TRPM8: variants seen among roughly 807,000 people sequenced by gnomAD.
TRPM8 encodes the protein transient receptor potential cation channel subfamily M member 8, also known as TRPM8 cationic channel.
In TRPM8, 110 loss-of-function variants were observed where a neutral mutation model predicts 133.7. The ratio of observed to expected loss-of-function variants is 0.82; its 90% confidence interval spans 0.70 to 0.96. The LOEUF (loss-of-function observed/expected upper bound fraction) is 0.96, where lower values mean the gene tolerates loss of function less well. Ranked by LOEUF, TRPM8 falls within the 40% of genes least tolerant of loss-of-function variation. TRPM8 has a pLI of 0.00. For missense variants in TRPM8, 1,291 were observed against 1,379.5 expected (o/e 0.94, Z 1.02); for synonymous variants, 535 against 532.3 (o/e 1.01, Z -0.07).
chr2:233,922,313 C>T (rs946621417), intron 1 of TRPM8, among the ~76,000 whole-genome samples: 2 of 152,026 alleles, frequency 1.3e-5, no homozygotes, highest in Non-Finnish European at 2.9e-5. Flanking sequence ...TTTTACAATC[C>T]CTTTGCTTTG....
At chr2:233,953,661 C>CAG in intron 9 of TRPM8, 1 of 316,228 alleles carries the variant, frequency 3.2e-6, no homozygotes, top group Non-Finnish European at 5.9e-6. Flanking sequence ...CACACACACA[C>CAG]AGCACCTGCA....
chr2:233,948,706 G>T (rs1320888878), intron 8 of TRPM8, among the ~76,000 whole-genome samples: 1 of 152,164 alleles, frequency 6.6e-6, no homozygotes, highest in Non-Finnish European at 1.5e-5. Context: ...CCACAGTAGT[G>T]GGGGTAGGAG....
chr2:233,966,781 A>T, intron 15 of TRPM8, 26 bp downstream of exon 15: 1 of 1,501,098 alleles, frequency 6.7e-7, no homozygotes. Context: ...CCACCAGACC[A>T]CACGGCCAGA....
intron 21 of TRPM8, among the ~76,000 whole-genome samples, chr2:233,993,949 A>G (rs28902224): frequency 1.5e-4 from 23 of 152,352 alleles, no homozygotes; most frequent in African/African-American, 5.5e-4. Context: ...GACTAGATAT[A>G]TAGTCAAAGA....
chr2:233,939,030 A>C lies in TRPM8; in HGVS notation c.381A>C (p.Glu127Asp), dbSNP rs138133683. The change falls in exon 5 of 26, where the codon GAA becomes GAC. Residue 127 changes from glutamate (E) to aspartate (D), a missense_variant. This residue lies in a region of TRPM8 where 963 missense variants were observed against 968.9 expected (regional missense o/e 0.99). Coordinates refer to ENST00000324695, the MANE Select transcript of TRPM8 (RefSeq NM_024080.5). ...YIRLSCDTDA[E>D]ILYELLTQHW... ...GTCTGTCCTGCGACACGGACGCGGA[A>C]ATCCTTTACGAGCTGCTGACCCAGC... is the stretch of plus-strand genomic sequence containing the variant. 8.1e-6 allele frequency: 13 copies of C among 1,614,202 alleles called. No individual in the cohort carries two copies. In the African/African-American group the frequency reaches 1.7e-4, roughly 22 times the overall value.
At chr2:233,928,054 C>G (rs1372407936) in intron 2 of TRPM8, among the ~76,000 whole-genome samples, 1 of 149,374 alleles carries the variant, frequency 6.7e-6, no homozygotes, top group African/African-American at 2.5e-5. Flanking sequence ...ACTGCAAACT[C>G]CACCTCCCAG....
Position 233,970,368 on chromosome 2 carries a change from C to T in TRPM8, c.2297C>T (p.Pro766Leu), listed in dbSNP as rs778608904. The change falls in exon 17 of 26, where the codon CCC becomes CTC. Residue 766 changes from proline to leucine, a missense_variant. Around this residue, in one of 2 missense-constraint regions of TRPM8, gnomAD observed 963 missense variants for 968.9 expected, o/e 0.99. Coordinates refer to ENST00000324695, the MANE Select transcript of TRPM8 (RefSeq NM_024080.5). ...LLMDFHSVPH[P>L]PELVLYSLVF... ...ATGGATTTCCATTCGGTGCCACACC[C>T]CCCCGAGCTGGTCCTGTACTCGCTG... 6.2e-7 allele frequency: 1 copy of T among 1,614,142 alleles called. No homozygotes were observed. Among genetic ancestry groups the T allele is most frequent in the Non-Finnish European group, 8.5e-7 (1 of 1,180,032 alleles).
chr2:233,969,902 C>G, intron 16 of TRPM8, 95 bp downstream of exon 16: 1 of 878,934 alleles, frequency 1.1e-6, no homozygotes, highest in Admixed American at 2.1e-5. Flanking sequence ...GATTAAAAAG[C>G]CTGGAACTTA....
chr2:233,996,345 C>T lies in TRPM8; in HGVS notation c.2959C>T (p.Gln987Ter). 1 of 1,614,096 alleles carries T rather than the reference C, an allele frequency of 6.2e-7. No homozygotes were observed. Among genetic ancestry groups the T allele is most frequent in the Admixed American group, 1.7e-5 (1 of 60,012 alleles). The change falls in exon 22 of 26, where the codon CAG becomes TAG. Residue 987 changes from glutamine to a stop codon, truncating the protein, a stop_gained. Coordinates refer to ENST00000324695, the MANE Select transcript of TRPM8 (RefSeq NM_024080.5). LOFTEE classifies it high-confidence loss of function. The stretch of plus-strand genomic sequence containing the variant: ...CACCAGCTACACGGTGGGCACCGTC[C>T]AGGAGAACAATGACCAGGTCTGGAA... ...AMFGYTVGTV[Q>*]ENNDQVWKFQ... is the part of the protein sequence containing the mutation.
intron 24 of TRPM8, among the ~76,000 whole-genome samples, chr2:234,012,729 T>C (rs1243638108): frequency 6.6e-6 from 1 of 152,154 alleles, no homozygotes; most frequent in African/African-American, 2.4e-5. Flanking sequence ...TTAAATATGA[T>C]TTTAGTTGTG....
chr2:233,982,712 A>G (rs1485859968), intron 19 of TRPM8, among the ~76,000 whole-genome samples: 1 of 152,266 alleles, frequency 6.6e-6, no homozygotes, highest in Non-Finnish European at 1.5e-5. Flanking sequence ...AAAGTGTATC[A>G]AAATCATGAG....
intron 21 of TRPM8, among the ~76,000 whole-genome samples, chr2:233,995,907 A>G (rs1559546285): frequency 6.6e-6 from 1 of 152,118 alleles, no homozygotes; most frequent in African/African-American, 2.4e-5. Flanking sequence ...ATAAACACTA[A>G]CAAGCTGTTT....
intron 15 of TRPM8, among the ~76,000 whole-genome samples, chr2:233,969,137 C>T (rs1213019702): frequency 6.6e-6 from 1 of 152,080 alleles, no homozygotes; most frequent in African/African-American, 2.4e-5. Context: ...ACGTACACAA[C>T]TATTACTTTA....
rs747109232 is a variant in TRPM8 at position 233,981,738 on chromosome 2, A to G, written c.2448-36A>G. ...AACAAAACTTTGGAATGTTTTGTCA[A>G]TATCTCATGAATTCTGTTCCTTCTT... is the stretch of plus-strand genomic sequence containing the variant. On this transcript the variant is annotated intron_variant, in intron 18 of 25. Coordinates refer to ENST00000324695, the MANE Select transcript of TRPM8 (RefSeq NM_024080.5). The G allele has an allele frequency of 5.7e-6, 9 of 1,567,678 alleles. No homozygotes were observed. The African/African-American group carries it at 1.1e-4, about 19-fold the overall frequency.
intron 8 of TRPM8, among the ~76,000 whole-genome samples, chr2:233,949,453 G>A (rs1407822351): frequency 3.9e-5 from 6 of 152,150 alleles, no homozygotes; most frequent in Non-Finnish European, 7.4e-5. Flanking sequence ...AACAGGAGCA[G>A]GGGAAATTAT....
Position 233,955,194 on chromosome 2 carries a change from T to C in TRPM8, c.1306T>C (p.Trp436Arg). 1 of 1,614,020 alleles carries C rather than the reference T, an allele frequency of 6.2e-7. No homozygotes were observed. The highest frequency in any genetic ancestry group is 8.5e-7 in the Non-Finnish European group (1 of 1,179,978). Residue 436 changes from tryptophan to arginine, a missense_variant, in exon 11 of 26, where the codon TGG becomes CGG. Coordinates refer to ENST00000324695, the MANE Select transcript of TRPM8 (RefSeq NM_024080.5). ...WNGQLKLLLE[W>R]NQLDLANDEI... Reference sequence around the variant, plus strand: ...TGGGCAGCTGAAGCTTCTGCTGGAGTGGAACCAGCTGGACTTAGCCAATGA... The same window carrying C: ...TGGGCAGCTGAAGCTTCTGCTGGAGCGGAACCAGCTGGACTTAGCCAATGA...
chr2:233,965,190 C>CACTCATGGTTTCTT (rs1691537190), intron 14 of TRPM8, among the ~76,000 whole-genome samples: 1 of 152,190 alleles, frequency 6.6e-6, no homozygotes, highest in Non-Finnish European at 1.5e-5. Context: ...GGGCCTGCGA[C>CACTCATGGTTTCTT]ACTCATGGTT....
intron 1 of TRPM8, among the ~76,000 whole-genome samples, chr2:233,923,456 C>T (rs1459519266): frequency 6.6e-6 from 1 of 152,146 alleles, no homozygotes; most frequent in Non-Finnish European, 1.5e-5. Flanking sequence ...GTTTTCCCTC[C>T]TTGGTGGGGT....
intron 11 of TRPM8, among the ~76,000 whole-genome samples, chr2:233,959,372 G>C (rs1368006792): frequency 7.4e-6 from 1 of 134,450 alleles, no homozygotes; most frequent in Non-Finnish European, 1.5e-5. Context: ...TGTCACCCAA[G>C]CTGGAGTGCA....
Sources: allele counts gnomAD v4.1 joint callset (sites outside exome capture counted in the v4.1 genomes callset), GRCh38; gene constraint gnomAD v4.1.1; regional missense constraint gnomAD v4.1.1; transcripts MANE v1.5; gene names NCBI Gene and HGNC (gene_info 2026-07-23, HGNC 2026-07-21).